The following CFAP46 variants were observed in gnomAD, a reference collection of about 807,000 sequenced individuals.
CFAP46 encodes the protein cilia- and flagella-associated protein 46.
CFAP46 carries 245 observed loss-of-function variants against 325.7 expected under a neutral mutation model. The ratio of observed to expected loss-of-function variants is 0.75; its 90% CI spans 0.68 to 0.84. The LOEUF (loss-of-function observed/expected upper bound fraction) is 0.84, where lower values mean the gene tolerates loss of function less well. CFAP46 is among the 40% of genes least tolerant of loss of function. The probability of loss-of-function intolerance (pLI) is 0.00; values close to 1 mark genes in which losing one functional copy is unlikely to be tolerated. For synonymous variants in CFAP46, 1,523 were observed against 1,495.9 expected (o/e 1.02, Z -0.42); for missense variants, 3,346 against 3,543.0 (o/e 0.94, Z 1.41).
chr10:132,930,236 C>G (rs1477364385), intron 8 of CFAP46, among the ~76,000 whole-genome samples: 1 of 150,814 alleles, frequency 6.6e-6, no homozygotes, highest in Non-Finnish European at 1.5e-5. Flanking sequence ...ACACAGAGCC[C>G]GAACCTTCCT....
chr10:132,885,776 C>CACAGGCGGTGGGGGGAGCACTCAT (rs759635102), intron 26 of CFAP46, 45 bp downstream of exon 26: 1 of 1,345,680 alleles, frequency 7.4e-7, no homozygotes, highest in African/African-American at 3.5e-5. Flanking sequence ...GGGGAGCACT[C>CACAGGCGGTGGGGGGAGCACTCAT]AGGCGGTGGA....
At chr10:132,902,874 T>A (rs527256654) in intron 22 of CFAP46, among the ~76,000 whole-genome samples, 25 of 152,286 alleles carry the variant, frequency 1.6e-4, no homozygotes, top group African/African-American at 5.5e-4. Flanking sequence ...ACTCACCCCA[T>A]TGCTAAGGTG....
At chr10:132,934,221 G>A (rs949337877) in intron 8 of CFAP46, among the ~76,000 whole-genome samples, 3 of 152,216 alleles carry the variant, frequency 2.0e-5, no homozygotes, top group African/African-American at 7.2e-5. Flanking sequence ...TACTAAGGAG[G>A]TGACAAAATC....
At chr10:132,863,166 C>T (rs1051764066) in intron 35 of CFAP46, among the ~76,000 whole-genome samples, 1 of 152,026 alleles carries the variant, frequency 6.6e-6, no homozygotes, top group Non-Finnish European at 1.5e-5. Flanking sequence ...CCCCAAGTCC[C>T]AGAGCTCAGG....
intron 43 of CFAP46, 82 bp from the exon 44 acceptor site, chr10:132,846,309 C>T: frequency 6.7e-7 from 1 of 1,481,822 alleles, no homozygotes; most frequent in Non-Finnish European, 9.0e-7. Context: ...TGCGCAGCAG[C>T]TGCAGCCTGG....
chr10:132,823,182 C>CTGTGTGCTGATGTGTGCTGTG, intron 50 of CFAP46, among the ~76,000 whole-genome samples: 1 of 115,048 alleles, frequency 8.7e-6, no homozygotes, highest in Non-Finnish European at 1.7e-5. Context: ...TGTCTGTGCG[C>CTGTGTGCTGATGTGTGCTGTG]TGTGTGCTGA....
intron 44 of CFAP46, among the ~76,000 whole-genome samples, chr10:132,838,446 T>C (rs1470203553): frequency 6.6e-6 from 1 of 152,258 alleles, no homozygotes; most frequent in Non-Finnish European, 1.5e-5. Flanking sequence ...GGCAAAGAGA[T>C]GGGACATTGC....
At chr10:132,820,713 C>CACTGATGTGTGCTGTGTGT (rs1847783101) in intron 50 of CFAP46, among the ~76,000 whole-genome samples, 4 of 42,208 alleles carry the variant, frequency 9.5e-5, no homozygotes, top group Admixed American at 4.5e-4. Context: ...GCTGTGTGTG[C>CACTGATGTGTGCTGTGTGT]GCTGATGTGT....
chr10:132,845,724 T>G (rs952277970), intron 44 of CFAP46, among the ~76,000 whole-genome samples: 1 of 152,208 alleles, frequency 6.6e-6, no homozygotes, highest in Non-Finnish European at 1.5e-5. Flanking sequence ...GCAGGGAACA[T>G]GCAGCTCCGA....
At position 132,867,599 on chromosome 10, in the gene CFAP46, C is replaced by T. The variant is rs538761460; in HGVS notation, c.4611-92G>A. 372 of 1,445,244 alleles carry T rather than the reference C, an allele frequency of 2.6e-4. 3 individuals carry two copies. Among genetic ancestry groups the T allele is most frequent in the South Asian group, 1.9e-3 (143 of 74,258 alleles). 89.5% of individuals were successfully genotyped at this position (1,445,244 alleles called of 1,614,324 possible). ...CCAAAGAAACGCAAACGAAAACAGC[C>T]ACAATTACATTCTTCACGCGCGTGT... On this transcript the variant is annotated intron_variant, in intron 33 of 57. Transcript: ENST00000368586.
At chr10:132,910,295 G>A (rs898683356) in intron 19 of CFAP46, among the ~76,000 whole-genome samples, 3 of 152,186 alleles carry the variant, frequency 2.0e-5, no homozygotes, top group Admixed American at 6.5e-5. Context: ...AGTGCGCCCC[G>A]GCCCTCACTC....
chr10:132,812,651 G>T, intron 55 of CFAP46, 134 bp downstream of exon 55: 1 of 636,002 alleles, frequency 1.6e-6, no homozygotes, highest in Non-Finnish European at 2.8e-6. Flanking sequence ...CAGTCACAGA[G>T]GGTGGGGGGC....
intron 35 of CFAP46, among the ~76,000 whole-genome samples, chr10:132,862,226 G>A (rs1848731197): frequency 6.6e-6 from 1 of 152,170 alleles, no homozygotes; most frequent in Non-Finnish European, 1.5e-5. Flanking sequence ...AGGGAAGAGG[G>A]GGAGGCCCTT....
In CFAP46 at chr10:132,817,417, G is replaced by T. The variant is rs376345501; in HGVS notation, c.7118-2503C>A. Among the ~76,000 whole-genome samples, 260 of 152,320 alleles carry T rather than the reference G, an allele frequency of 1.7e-3. 2 individuals carry two copies. The highest frequency in any genetic ancestry group is 5.9e-3 in the African/African-American group (245 of 41,572). ...TCTCCTGTGTCTTCTCACTGGCAGGGTTGGCCAATTTTCTTTTTTTGATAT... is the reference window on the plus strand; with the variant it reads ...TCTCCTGTGTCTTCTCACTGGCAGGTTTGGCCAATTTTCTTTTTTTGATAT... On this transcript the variant is annotated intron_variant, in intron 50 of 57. Transcript: ENST00000368586. This position sits in a 1 kb window ranked among gnomAD's most constrained non-coding sequence, Gnocchi z 4.4.
At chr10:132,932,287 T>C (rs374979730) in intron 8 of CFAP46, among the ~76,000 whole-genome samples, 265 of 44,306 alleles carry the variant, frequency 6.0e-3, no homozygotes, top group Middle Eastern at 0.023. Context: ...CTCCCTCCTC[T>C]CCACACAGAG....
intron 50 of CFAP46, among the ~76,000 whole-genome samples, chr10:132,831,521 G>T (rs1415347622): frequency 2.0e-5 from 3 of 152,146 alleles, no homozygotes. Flanking sequence ...ACATTCCCAG[G>T]ATGAACTCCA....
At chr10:132,941,464 C>T (rs915108991) in intron 3 of CFAP46, 127 bp downstream of exon 3, 10 of 1,291,980 alleles carry the variant, frequency 7.7e-6, no homozygotes, top group Non-Finnish European at 9.6e-6. Context: ...TTTCGTGTCA[C>T]TCTGGAAAGG....
chr10:132,924,097 G>C (rs1385178346), intron 11 of CFAP46, among the ~76,000 whole-genome samples: 1 of 152,068 alleles, frequency 6.6e-6, no homozygotes, highest in Non-Finnish European at 1.5e-5. Flanking sequence ...TCAGGGCTGT[G>C]ATTCTCCAGC....
At chr10:132,892,303 G>A in intron 25 of CFAP46, 30 bp downstream of exon 25, 1 of 1,543,138 alleles carries the variant, frequency 6.5e-7, no homozygotes, top group Non-Finnish European at 8.8e-7. Context: ...TGTACCTGGA[G>A]CCTGTGGGTC....
Sources: gnomAD v4.1 joint callset for allele counts (sites outside exome capture counted in the v4.1 genomes callset) on GRCh38, gnomAD v4.1.1 for gene constraint, Gnocchi (gnomAD v3.1) non-coding constraint, MANE v1.5 for transcripts, NCBI Gene and HGNC (gene_info 2026-07-23, HGNC 2026-07-21) for gene names.